The following RYR2 variants were observed in gnomAD, a reference collection of about 807,000 sequenced individuals.
The protein encoded by RYR2 is ryanodine receptor 2.
Under a neutral mutation model 601.1 loss-of-function variants are expected in RYR2, and 227 were observed. The ratio of observed to expected loss-of-function variants is 0.38; its 90% CI spans 0.34 to 0.42. The LOEUF is 0.42. Ranked by LOEUF, RYR2 falls within the 10% of genes least tolerant of loss-of-function variation. RYR2 has a pLI of 1.00. For missense variants in RYR2, 4,646 were observed against 6,156.5 expected (o/e 0.75, Z 8.21); for synonymous variants, 2,223 against 2,175.1 (o/e 1.02, Z -0.61).
At chr1:237,171,650 T>C (rs1677409004) in intron 1 of RYR2, among the ~76,000 whole-genome samples, 1 of 152,132 alleles carries the variant, frequency 6.6e-6, no homozygotes, top group Non-Finnish European at 1.5e-5. Context: ...CAAACAAAAA[T>C]CTCTGAGACT....
At position 237,127,359 on chromosome 1, in the gene RYR2, G is replaced by A. The variant is rs868392340; in HGVS notation, c.48+84790G>A. On this transcript the variant is annotated intron_variant, in intron 1 of 104. Coordinates refer to ENST00000366574, the MANE Select transcript of RYR2 (RefSeq NM_001035.3). Reference sequence around the variant, plus strand: ...GGGCTCCTCACTTCCCAGTAGGGGCGGCTGGGCAGAGGCGCCCCTCACCTC... The same window carrying A: ...GGGCTCCTCACTTCCCAGTAGGGGCAGCTGGGCAGAGGCGCCCCTCACCTC... Among the ~76,000 whole-genome samples, 436 of 151,596 alleles carry A rather than the reference G, an allele frequency of 2.9e-3. 6 individuals are homozygous for A. Among genetic ancestry groups the A allele is most frequent in the African/African-American group, 0.01 (413 of 41,276 alleles).
chr1:237,561,906 A>T (rs746616428), intron 27 of RYR2, among the ~76,000 whole-genome samples: 3 of 152,172 alleles, frequency 2.0e-5, no homozygotes, highest in Admixed American at 2.0e-4. Flanking sequence ...AAATTAAAAG[A>T]TAGATGTTGA....
intron 67 of RYR2, among the ~76,000 whole-genome samples, chr1:237,705,949 G>A (rs1228535464): frequency 6.6e-6 from 1 of 152,230 alleles, no homozygotes; most frequent in African/African-American, 2.4e-5. Context: ...AAGATAATCA[G>A]CATTTGAAAG....
At chr1:237,645,641 C>T (rs1410819688) in intron 48 of RYR2, among the ~76,000 whole-genome samples, 3 of 152,180 alleles carry the variant, frequency 2.0e-5, no homozygotes, top group Admixed American at 1.3e-4. Context: ...GGTACCTCCT[C>T]GTTTCCTCCA....
intron 32 of RYR2, 107 bp from the exon 33 acceptor site, chr1:237,593,369 G>T (rs540459479): frequency 8.8e-7 from 1 of 1,130,144 alleles, no homozygotes; most frequent in East Asian, 2.5e-5. Context: ...AAACCAAGAA[G>T]TGAATTCTTA....
At chr1:237,292,295 A>T (rs762259578) in intron 2 of RYR2, among the ~76,000 whole-genome samples, 2 of 152,244 alleles carry the variant, frequency 1.3e-5, no homozygotes, top group Non-Finnish European at 2.9e-5. Flanking sequence ...GGCAAATTGG[A>T]GATGAACAGT....
intron 1 of RYR2, among the ~76,000 whole-genome samples, chr1:237,172,070 C>T (rs1428542653): frequency 6.6e-6 from 1 of 152,228 alleles, no homozygotes; most frequent in African/African-American, 2.4e-5. Context: ...GGAAATTAAT[C>T]AGAGCCCCTG....
At chr1:237,590,441 G>A (rs1195489624) in intron 30 of RYR2, among the ~76,000 whole-genome samples, 199 bp from the exon 31 acceptor site, 4 of 152,160 alleles carry the variant, frequency 2.6e-5, no homozygotes, top group East Asian at 1.9e-4. Context: ...ATAAATTTCC[G>A]AAACCGTCTT....
intron 48 of RYR2, among the ~76,000 whole-genome samples, chr1:237,644,104 A>T (rs1219224542): frequency 6.6e-6 from 1 of 152,056 alleles, no homozygotes; most frequent in Non-Finnish European, 1.5e-5. Flanking sequence ...TTAGTTCCTT[A>T]GTTATGCATT....
rs146572084 is a variant in RYR2, at chr1:237,443,180, T to C, written c.1170+1697T>C. ...TCTGTTCGTAAGCCCTTTCTGTACCTTTAAAATTTTAGTTTTCATGCTTTT... is the reference window on the plus strand; with the variant it reads ...TCTGTTCGTAAGCCCTTTCTGTACCCTTAAAATTTTAGTTTTCATGCTTTT... On this transcript the variant is annotated intron_variant, in intron 13 of 104. Transcript: ENST00000366574. 3.2e-3 allele frequency among the ~76,000 whole-genome samples: 488 copies of C among 152,256 alleles called. 4 individuals carry two copies. Among genetic ancestry groups the C allele is most frequent in the African/African-American group, 0.011 (467 of 41,566 alleles).
chr1:237,224,210 A>C (rs1334628406), intron 1 of RYR2, among the ~76,000 whole-genome samples: 5 of 152,176 alleles, frequency 3.3e-5, no homozygotes, highest in Admixed American at 2.0e-4. Flanking sequence ...TTGAAAAAAA[A>C]CTCATAGATG....
chr1:237,516,290 A>T (rs1558954285), intron 24 of RYR2, among the ~76,000 whole-genome samples: 1 of 150,170 alleles, frequency 6.7e-6, no homozygotes, highest in East Asian at 2.0e-4. Flanking sequence ...TTTCTTTCGT[A>T]TTTTTTTTTG....
intron 5 of RYR2, among the ~76,000 whole-genome samples, chr1:237,367,980 G>A (rs188441584): frequency 1.4e-4 from 21 of 152,276 alleles, no homozygotes; most frequent in Non-Finnish European, 2.9e-4. Flanking sequence ...TCTGATCAAG[G>A]GGAGGAGGGT....
At chr1:237,740,911 A>G (rs1280068434) in intron 79 of RYR2, among the ~76,000 whole-genome samples, 1 of 152,154 alleles carries the variant, frequency 6.6e-6, no homozygotes, top group Non-Finnish European at 1.5e-5. Context: ...AGGACTGCAG[A>G]TTTGCCTTCC....
At chr1:237,051,267 T>G in intron 1 of RYR2, among the ~76,000 whole-genome samples, 1 of 94,220 alleles carries the variant, frequency 1.1e-5, no homozygotes, top group Non-Finnish European at 2.0e-5. Flanking sequence ...TCCCGTTCCC[T>G]ACCCTCTCCT....
intron 1 of RYR2, among the ~76,000 whole-genome samples, chr1:237,055,441 G>A (rs1457071387): frequency 6.6e-6 from 1 of 152,150 alleles, no homozygotes; most frequent in Admixed American, 6.5e-5. Flanking sequence ...AGCCTATTAG[G>A]AGACAGTCAC....
chr1:237,507,768 T>G (rs887095164), intron 23 of RYR2, among the ~76,000 whole-genome samples: 8 of 152,256 alleles, frequency 5.3e-5, no homozygotes, highest in Non-Finnish European at 8.8e-5. Flanking sequence ...TTGGCAGGCA[T>G]CACATAGCTA....
intron 56 of RYR2, among the ~76,000 whole-genome samples, chr1:237,661,833 G>T (rs1558165937): frequency 2.0e-5 from 3 of 152,138 alleles, no homozygotes; most frequent in African/African-American, 7.2e-5. Context: ...TGCTCAAGGT[G>T]GCAAGAGTAA....
intron 24 of RYR2, among the ~76,000 whole-genome samples, chr1:237,515,811 C>T (rs12568096): frequency 2.5e-5 from 3 of 117,736 alleles, no homozygotes; most frequent in Non-Finnish European, 3.7e-5. Context: ...CCTTCTCCTC[C>T]TCCTCCCTCT....
Sources: gnomAD v4.1 joint callset for allele counts (sites outside exome capture counted in the v4.1 genomes callset) on GRCh38, gnomAD v4.1.1 for gene constraint, MANE v1.5 for transcripts, NCBI Gene and HGNC (gene_info 2026-07-23, HGNC 2026-07-21) for gene names.